GPR39: variants seen among roughly 807,000 people sequenced by gnomAD.
GPR39 encodes G protein-coupled receptor 39.
GPR39 carries 23 observed loss-of-function variants against 18.4 expected under a neutral mutation model. The ratio of observed to expected loss-of-function variants is 1.25; its 90% confidence interval spans 0.90 to 1.77. The LOEUF is 1.77. Among genes scored for constraint, GPR39 ranks in the 40% most tolerant of loss-of-function variants. The probability of loss-of-function intolerance (pLI) is 0.00; values close to 1 mark genes in which losing one functional copy is unlikely to be tolerated. For missense variants in GPR39, 647 were observed against 602.4 expected (o/e 1.07, Z -0.78); for synonymous variants, 280 against 257.9 (o/e 1.09, Z -0.82).
intron 1 of GPR39, among the ~76,000 whole-genome samples, chr2:132,508,338 C>T (rs868080676): frequency 1.3e-5 from 2 of 152,132 alleles, no homozygotes; most frequent in South Asian, 2.1e-4. Context: ...GACTCTCAAC[C>T]CCCTTCTCTC....
At chr2:132,502,225 C>G (rs1334054171) in intron 1 of GPR39, among the ~76,000 whole-genome samples, 1 of 152,112 alleles carries the variant, frequency 6.6e-6, no homozygotes, top group Non-Finnish European at 1.5e-5. Context: ...TGAGGATATG[C>G]TTCAAGATTT....
chr2:132,499,399 C>G (rs1681710636), intron 1 of GPR39, among the ~76,000 whole-genome samples: 1 of 152,048 alleles, frequency 6.6e-6, no homozygotes, highest in Non-Finnish European at 1.5e-5. Flanking sequence ...GGGTTCTGTT[C>G]CCTTGGTCTA....
intron 1 of GPR39, among the ~76,000 whole-genome samples, chr2:132,538,758 C>T (rs192189264): frequency 6.6e-6 from 1 of 152,338 alleles, no homozygotes. Flanking sequence ...CAGAGATGCC[C>T]TGCCCCGTGA....
At chr2:132,533,210 C>A (rs1679675107) in intron 1 of GPR39, among the ~76,000 whole-genome samples, 1 of 151,814 alleles carries the variant, frequency 6.6e-6, no homozygotes, top group Middle Eastern at 3.4e-3. Context: ...AACAGACAAA[C>A]AGAGAGCCAA....
chr2:132,495,397 G>A (rs1330637022), intron 1 of GPR39, among the ~76,000 whole-genome samples: 4 of 152,140 alleles, frequency 2.6e-5, no homozygotes, highest in South Asian at 2.1e-4. Flanking sequence ...AGGTCGCTTT[G>A]TAGATTTCAG....
intron 1 of GPR39, among the ~76,000 whole-genome samples, chr2:132,517,408 A>G (rs554846406): frequency 5.3e-4 from 80 of 152,226 alleles, no homozygotes; most frequent in African/African-American, 1.9e-3. Context: ...TTGTAGTTTA[A>G]GTCCCTCAAG....
chr2:132,495,426 TG>T (rs577292298), intron 1 of GPR39, among the ~76,000 whole-genome samples: 1 of 152,068 alleles, frequency 6.6e-6, no homozygotes, highest in Non-Finnish European at 1.5e-5. Context: ...CCCCAAACTG[TG>T]GGGGTGTCTT....
chr2:132,481,258 C>T (rs1473887849), intron 1 of GPR39, among the ~76,000 whole-genome samples: 1 of 152,140 alleles, frequency 6.6e-6, no homozygotes, highest in African/African-American at 2.4e-5. Context: ...ATAAGGTCAT[C>T]ACCTCAAGAT....
At chr2:132,629,382 C>T (rs1681607961) in intron 1 of GPR39, among the ~76,000 whole-genome samples, 1 of 152,012 alleles carries the variant, frequency 6.6e-6, no homozygotes, top group Non-Finnish European at 1.5e-5. Context: ...GTGAAGGTGC[C>T]CAGGCATGAC....
At chr2:132,491,684 G>T (rs1474601982) in intron 1 of GPR39, among the ~76,000 whole-genome samples, 1 of 151,870 alleles carries the variant, frequency 6.6e-6, no homozygotes, top group African/African-American at 2.4e-5. Flanking sequence ...ATGGAGATTG[G>T]TTCGAAGTGT....
rs141055974 is a variant in GPR39 at position 132,517,241 on chromosome 2, T to C, written c.856+99343T>C. On this transcript the variant is annotated intron_variant, in intron 1 of 1. Transcript: ENST00000329321. The stretch of plus-strand genomic sequence containing the variant: ...ATTTTATATATTTACATGGGTCATA[T>C]AAACAAACTATGAAAGAGTATACAG... Among the ~76,000 whole-genome samples, 7 of 152,118 alleles carry C rather than the reference T, an allele frequency of 4.6e-5. No individual in the cohort carries two copies. In the East Asian group the frequency reaches 1.4e-3, roughly 29 times the overall value.
At chr2:132,441,079 A>G (rs1404047946) in intron 1 of GPR39, among the ~76,000 whole-genome samples, 2 of 152,236 alleles carry the variant, frequency 1.3e-5, no homozygotes, top group Admixed American at 6.5e-5. Context: ...GCCTGCCTCA[A>G]GTGACTGTTT....
intron 1 of GPR39, among the ~76,000 whole-genome samples, chr2:132,447,237 T>C (rs1266281756): frequency 2.0e-5 from 3 of 152,162 alleles, no homozygotes; most frequent in African/African-American, 7.2e-5. Flanking sequence ...TGTTCATATA[T>C]AGTTAATTTA....
At chr2:132,528,734 T>C (rs1558827618) in intron 1 of GPR39, among the ~76,000 whole-genome samples, 1 of 152,234 alleles carries the variant, frequency 6.6e-6, no homozygotes, top group Non-Finnish European at 1.5e-5. Context: ...GGTTCTCTAC[T>C]TGTCTATTGT....
At chr2:132,603,465 G>T (rs537306521) in intron 1 of GPR39, among the ~76,000 whole-genome samples, 5 of 152,128 alleles carry the variant, frequency 3.3e-5, no homozygotes, top group Non-Finnish European at 7.4e-5. Context: ...TAGCAGTGTA[G>T]GATGACTATA....
intron 1 of GPR39, among the ~76,000 whole-genome samples, chr2:132,463,077 G>A (rs2003203): frequency 0.035 from 5,331 of 152,040 alleles, 314 homozygotes; most frequent in African/African-American, 0.12. Context: ...ATCCTCTGTC[G>A]TGCACCAGGC....
intron 1 of GPR39, among the ~76,000 whole-genome samples, chr2:132,592,030 G>C (rs1274192434): frequency 6.6e-6 from 1 of 152,154 alleles, no homozygotes; most frequent in South Asian, 2.1e-4. Flanking sequence ...TGGTAAACAG[G>C]GTCTTTTTCA....
In GPR39 at chr2:132,498,283, C is replaced by T. The variant is rs192415124; in HGVS notation, c.856+80385C>T. On this transcript the variant is annotated intron_variant, in intron 1 of 1. Transcript: ENST00000329321. ...GTCCCCAAAGCTTATCATTCTTATG[C>T]CTTTGCATCCTCATAGCTTAGCTTC... 1.9e-3 allele frequency among the ~76,000 whole-genome samples: 283 copies of T among 152,236 alleles called. 1 individual carries two copies. Among genetic ancestry groups the T allele is most frequent in the Middle Eastern group, 0.01 (3 of 294 alleles).
chr2:132,626,280 C>T (rs1681543959), intron 1 of GPR39, among the ~76,000 whole-genome samples: 1 of 152,134 alleles, frequency 6.6e-6, no homozygotes, highest in South Asian at 2.1e-4. Context: ...TGACCATGTA[C>T]AGGGTCATTG....
Sources: gnomAD v4.1 joint callset for allele counts (sites outside exome capture counted in the v4.1 genomes callset) on GRCh38, gnomAD v4.1.1 for gene constraint, MANE v1.5 for transcripts, NCBI Gene and HGNC (gene_info 2026-07-23, HGNC 2026-07-21) for gene names.